The following MIPEP variants were observed in gnomAD, a reference collection of about 807,000 sequenced individuals.
MIPEP encodes mitochondrial intermediate peptidase.
A neutral mutation model predicts 90.3 loss-of-function variants in MIPEP; 79 were observed. That is an observed-to-expected ratio of 0.87 (90% CI 0.73 to 1.05). The LOEUF (loss-of-function observed/expected upper bound fraction) is 1.05, where lower values mean the gene tolerates loss of function less well. MIPEP is among the 50% of genes least tolerant of loss of function. The probability of loss-of-function intolerance (pLI) is 0.00; values close to 1 mark genes in which losing one functional copy is unlikely to be tolerated. For synonymous variants in MIPEP, 334 were observed against 315.8 expected (o/e 1.06, Z -0.61); for missense variants, 940 against 905.6 (o/e 1.04, Z -0.49).
Position 23,881,792 on chromosome 13 carries a change from T to C in MIPEP, c.364-5A>G, listed in dbSNP as rs1330743440. On this transcript the variant is annotated splice_region_variant and splice_polypyrimidine_tract_variant and intron_variant, in intron 2 of 18. Transcript: ENST00000382172. ...AGCGATTTTCACAAAATCAGCCTAA[T>C]AAAGGGGAAAGACAAAACCAAAAGG... The C allele has an allele frequency of 6.2e-7, 1 of 1,610,830 alleles. No homozygotes were observed.
At chr13:23,887,091 A>G (rs1303564316) in intron 1 of MIPEP, among the ~76,000 whole-genome samples, 1 of 152,242 alleles carries the variant, frequency 6.6e-6, no homozygotes, top group Non-Finnish European at 1.5e-5. Context: ...ACTATCAAAT[A>G]GGGAGGATGA....
At chr13:23,876,822 CCAG>C (rs1871092900) in intron 4 of MIPEP, among the ~76,000 whole-genome samples, 2 of 152,258 alleles carry the variant, frequency 1.3e-5, no homozygotes, top group South Asian at 4.2e-4. Flanking sequence ...CCCAAGATTA[CCAG>C]TAGTTTTATA....
At chr13:23,849,565 C>T (rs898134422) in intron 10 of MIPEP, among the ~76,000 whole-genome samples, 13 of 152,200 alleles carry the variant, frequency 8.5e-5, no homozygotes, top group South Asian at 2.1e-4. Flanking sequence ...GTTTATAATA[C>T]GTTACATATG....
At chr13:23,864,467 C>G (rs1030367803) in intron 7 of MIPEP, among the ~76,000 whole-genome samples, 1 of 152,154 alleles carries the variant, frequency 6.6e-6, no homozygotes, top group East Asian at 1.9e-4. Flanking sequence ...CCAGGTGGCT[C>G]ATGCCTGTAA....
rs780668654 is a variant in MIPEP, at chr13:23,874,833, CAG to C, written c.603+11_603+12del. ...AAAACTGGAAGAGTCAAAAAAACAG[CAG>C]AAAGATGTACCTTTTCTTTGTCTAG... On this transcript the variant is annotated intron_variant, in intron 5 of 18. Transcript: ENST00000382172. The C allele has an allele frequency of 6.3e-6, 10 of 1,576,106 alleles. No individual in the cohort carries two copies. Among genetic ancestry groups the C allele is most frequent in the East Asian group, 2.3e-5 (1 of 43,184 alleles).
intron 6 of MIPEP, among the ~76,000 whole-genome samples, chr13:23,869,713 G>A (rs901108954): frequency 2.0e-5 from 3 of 152,164 alleles, no homozygotes; most frequent in Admixed American, 6.5e-5. Flanking sequence ...GCTATAAAGC[G>A]TCTTAACCAG....
intron 18 of MIPEP, among the ~76,000 whole-genome samples, chr13:23,754,848 T>C (rs986513601): frequency 5.3e-5 from 8 of 152,204 alleles, no homozygotes; most frequent in Non-Finnish European, 8.8e-5. Context: ...AGTAGCTTAT[T>C]ATGATGTGCC....
At chr13:23,780,899 A>T (rs1045083894) in intron 16 of MIPEP, among the ~76,000 whole-genome samples, 4 of 152,214 alleles carry the variant, frequency 2.6e-5, no homozygotes, top group Non-Finnish European at 5.9e-5. Flanking sequence ...AGAGAAGTTT[A>T]GAAAAAAAAG....
chr13:23,810,109 A>C (rs1375264553), intron 14 of MIPEP, among the ~76,000 whole-genome samples, 185 bp from the exon 15 acceptor site: 1 of 152,256 alleles, frequency 6.6e-6, no homozygotes, highest in Non-Finnish European at 1.5e-5. Flanking sequence ...CATTCTGTTT[A>C]ATTTCAAAAA....
chr13:23,879,386 G>C (rs776100615), intron 3 of MIPEP, 32 bp from the exon 4 acceptor site: 2 of 1,142,138 alleles, frequency 1.8e-6, no homozygotes, highest in African/African-American at 1.5e-5. Flanking sequence ...AAAATTAGAT[G>C]ATTTTCTAAT....
At chr13:23,731,518 A>C (rs1263393597) in intron 18 of MIPEP, among the ~76,000 whole-genome samples, 1 of 152,210 alleles carries the variant, frequency 6.6e-6, no homozygotes, top group Non-Finnish European at 1.5e-5. Context: ...CACAGACCTA[A>C]GTGTAAACAC....
At chr13:23,869,543 AT>A (rs1157204848) in intron 6 of MIPEP, 95 bp from the exon 7 acceptor site, 29 of 1,126,494 alleles carry the variant, frequency 2.6e-5, no homozygotes, top group Middle Eastern at 2.1e-4. Flanking sequence ...TGATCTGCAG[AT>A]GATCACTGCT....
chr13:23,837,837 T>C, intron 12 of MIPEP, 81 bp from the exon 13 acceptor site: 1 of 1,137,440 alleles, frequency 8.8e-7, no homozygotes, highest in Non-Finnish European at 1.3e-6. Context: ...AATATAAAAT[T>C]TCACCAAAAA....
At chr13:23,741,198 G>A (rs935083505) in intron 18 of MIPEP, among the ~76,000 whole-genome samples, 9 of 152,200 alleles carry the variant, frequency 5.9e-5, no homozygotes, top group African/African-American at 2.2e-4. Context: ...TAGAGAAAAA[G>A]GAATGCTTAT....
intron 12 of MIPEP, among the ~76,000 whole-genome samples, chr13:23,838,945 A>C (rs78242345): frequency 6.6e-5 from 10 of 152,368 alleles, no homozygotes; most frequent in Non-Finnish European, 1.5e-4. Context: ...ATCTGTTAAA[A>C]TCTGTGCTTT....
At chr13:23,795,558 T>C (rs1952949021) in intron 16 of MIPEP, among the ~76,000 whole-genome samples, 1 of 152,180 alleles carries the variant, frequency 6.6e-6, no homozygotes, top group South Asian at 2.1e-4. Context: ...TGGATAATTA[T>C]TTTCTTATCT....
chr13:23,869,693 G>A (rs1303428433), intron 6 of MIPEP, among the ~76,000 whole-genome samples: 1 of 152,158 alleles, frequency 6.6e-6, no homozygotes, highest in Non-Finnish European at 1.5e-5. Context: ...CCCAGTGCGT[G>A]GATCTCTATG....
At chr13:23,743,324 C>CTT (rs1565978878) in intron 18 of MIPEP, among the ~76,000 whole-genome samples, 2 of 152,222 alleles carry the variant, frequency 1.3e-5, no homozygotes. Context: ...CATTCCAGAT[C>CTT]TGTCTCTCCC....
intron 16 of MIPEP, chr13:23,766,230 CCA>C (rs1329527511): frequency 6.6e-6 from 1 of 152,154 alleles, no homozygotes; most frequent in African/African-American, 2.4e-5. Context: ...AATTTTGGTA[CCA>C]CATCTCCAGG....
Sources: gnomAD v4.1 joint callset for allele counts (sites outside exome capture counted in the v4.1 genomes callset) on GRCh38, gnomAD v4.1.1 for gene constraint, MANE v1.5 for transcripts, NCBI Gene and HGNC (gene_info 2026-07-23, HGNC 2026-07-21) for gene names.